The following ARHGEF17 variants were observed in gnomAD, a reference collection of about 807,000 sequenced individuals.
ARHGEF17 encodes Rho guanine nucleotide exchange factor 17, also known as 164 kDa Rho-specific guanine-nucleotide exchange factor.
ARHGEF17 carries 80 observed loss-of-function variants against 174.0 expected under a neutral mutation model. The observed-to-expected ratio is 0.46, with a 90% CI of 0.38 to 0.55. The LOEUF (loss-of-function observed/expected upper bound fraction) is 0.55, where lower values mean the gene tolerates loss of function less well. Ranked by LOEUF, ARHGEF17 falls within the 20% of genes least tolerant of loss-of-function variation. The pLI, the probability that ARHGEF17 is intolerant of heterozygous loss-of-function variation, is 0.00. For missense variants in ARHGEF17, 2,886 were observed against 2,839.7 expected (o/e 1.02, Z -0.37); for synonymous variants, 1,311 against 1,189.1 (o/e 1.10, Z -2.11).
Position 73,367,964 on chromosome 11 carries a change from G to C in ARHGEF17, c.*184G>C. The C allele has an allele frequency of 1.6e-6, 1 of 632,308 alleles. No homozygotes were observed. The highest frequency in any genetic ancestry group is 2.6e-6 in the Non-Finnish European group (1 of 380,538). The allele number at this position is 632,308 out of a possible 1,614,324, so 39.2% of individuals were successfully genotyped here. On this transcript the variant is annotated 3_prime_UTR_variant, in exon 21 of 21. Transcript: ENST00000263674. ...ACACCCACTGGCCAGCCAGGCCATG[G>C]CTTCTCCCGACCCTCTGGCTGCCCC...
intron 3 of ARHGEF17, 173 bp downstream of exon 3, chr11:73,353,185 G>C (rs1591754322): frequency 1.2e-6 from 1 of 820,246 alleles, no homozygotes; most frequent in East Asian, 2.7e-5. Flanking sequence ...GGGTGGACCT[G>C]AACTTGGACA....
Position 73,367,765 on chromosome 11 carries a change from C to T in ARHGEF17, c.6177C>T (p.Leu2059=). The T allele has an allele frequency of 6.2e-7, 1 of 1,612,904 alleles. No individual in the cohort carries two copies. Among genetic ancestry groups the T allele is most frequent in the Non-Finnish European group, 8.5e-7 (1 of 1,179,282 alleles). ...VGRDDSTNHL[L]LWRV ...GAGACGACAGCACAAACCACCTCCT[C>T]CTGTGGAGGGTGTGACCCTGTCTGC... Residue 2059 remains leucine, a synonymous_variant, in exon 21 of 21, where the codon CTC becomes CTT. Transcript: ENST00000263674.
At chr11:73,357,180 T>C in intron 8 of ARHGEF17, 46 bp downstream of exon 8, 1 of 1,612,324 alleles carries the variant, frequency 6.2e-7, no homozygotes, top group Non-Finnish European at 8.5e-7. Flanking sequence ...AGGGGGAGCA[T>C]TTGTCCCTCT....
chr11:73,363,208 GAGGAGACCCCGAGTTCCA>G lies in ARHGEF17; in HGVS notation c.5005_5022del (p.Thr1669_Glu1674del). On this transcript the variant is annotated inframe_deletion, in exon 15 of 21. Coordinates refer to ENST00000263674, the MANE Select transcript of ARHGEF17 (RefSeq NM_014786.4). ...ACAGAGACCTTTGTCTCCCTCAGAT[GAGGAGACCCCGAGTTCCA>G]AGGAGGCCACGGCAGAGACCACCAG... 6.4e-7 allele frequency: 1 copy of G among 1,559,002 alleles called. No homozygotes were observed. The highest frequency in any genetic ancestry group is 8.7e-7 in the Non-Finnish European group (1 of 1,150,702).
intron 1 of ARHGEF17, among the ~76,000 whole-genome samples, chr11:73,328,275 A>G (rs1189684533): frequency 1.3e-5 from 2 of 152,202 alleles, no homozygotes; most frequent in African/African-American, 4.8e-5. Flanking sequence ...GAGTGGGGCT[A>G]TGCAGGAGGG....
intron 1 of ARHGEF17, among the ~76,000 whole-genome samples, chr11:73,335,388 C>G (rs1325381984): frequency 6.6e-6 from 1 of 152,140 alleles, no homozygotes; most frequent in Non-Finnish European, 1.5e-5. Flanking sequence ...AGATGTTTTT[C>G]ACATCTGTTG....
chr11:73,312,039 G>T (rs886961760), intron 1 of ARHGEF17, among the ~76,000 whole-genome samples: 1 of 152,216 alleles, frequency 6.6e-6, no homozygotes, highest in Non-Finnish European at 1.5e-5. Flanking sequence ...TCAGTTTTCT[G>T]CTGGTGCTAA....
At position 73,311,327 on chromosome 11, in the gene ARHGEF17, G is replaced by T; in HGVS notation, c.2689G>T (p.Ala897Ser). The change falls in exon 1 of 21, where the codon GCC becomes TCC. Residue 897 changes from alanine to serine, a missense_variant. This residue lies in a region of ARHGEF17 where 1,728 missense variants were observed against 1,461.2 expected (regional missense o/e 1.18). Transcript: ENST00000263674. ...CCTACCTGAGGCTCTGCCTCCCCCT[G>T]CCACTGCCCACCGAAACTTTCACCT... ...RALPEALPPP[A>S]TAHRNFHLDP... is the part of the protein sequence containing the mutation. 1 of 1,613,348 alleles carries T rather than the reference G, an allele frequency of 6.2e-7. No homozygotes were observed. Among genetic ancestry groups the T allele is most frequent in the Non-Finnish European group, 8.5e-7 (1 of 1,180,024 alleles).
chr11:73,359,795 G>A (rs1008545578), intron 9 of ARHGEF17, 39 bp from the exon 10 acceptor site: 17 of 1,504,558 alleles, frequency 1.1e-5, no homozygotes, highest in Non-Finnish European at 2.7e-6. Flanking sequence ...GACCTTGTCT[G>A]TCTCTGTATC....
At chr11:73,344,743 T>C (rs1461872140) in intron 1 of ARHGEF17, among the ~76,000 whole-genome samples, 2 of 152,168 alleles carry the variant, frequency 1.3e-5, no homozygotes, top group Non-Finnish European at 2.9e-5. Context: ...GAAGAGAATG[T>C]GGAAACAGGG....
At chr11:73,347,676 G>C (rs1865487234) in intron 2 of ARHGEF17, among the ~76,000 whole-genome samples, 1 of 152,252 alleles carries the variant, frequency 6.6e-6, no homozygotes, top group Non-Finnish European at 1.5e-5. Context: ...TAGAACACCA[G>C]TTGGAGGCAG....
In ARHGEF17 at chr11:73,309,217, C is replaced by T. The variant is rs1386716566; in HGVS notation, c.579C>T (p.Thr193=). 1 of 1,599,648 alleles carries T rather than the reference C, an allele frequency of 6.3e-7. No homozygotes were observed. Among genetic ancestry groups the T allele is most frequent in the Non-Finnish European group, 8.5e-7 (1 of 1,173,136 alleles). Residue 193 remains threonine, a synonymous_variant, in exon 1 of 21, where the codon ACC becomes ACT. Transcript: ENST00000263674. ...CGCGGCCCCTGACCGGGCCGGAGAC[C>T]GAAGGGAGGCTGCGCCGGCCGCAGC... ...RSARPLTGPE[T]EGRLRRPQQQ...
Position 73,310,745 on chromosome 11 carries a change from C to G in ARHGEF17, c.2107C>G (p.Pro703Ala). The G allele has an allele frequency of 6.2e-7, 1 of 1,611,654 alleles. No individual in the cohort carries two copies. The highest frequency in any genetic ancestry group is 8.5e-7 in the Non-Finnish European group (1 of 1,178,710). The change falls in exon 1 of 21, where the codon CCA (proline) becomes GCA (alanine). Residue 703 changes from proline (P) to alanine (A), a missense_variant. By Grantham distance (27) the Pro-to-Ala change is conservative. This residue lies in a region of ARHGEF17 where 1,728 missense variants were observed against 1,461.2 expected (regional missense o/e 1.18). Coordinates refer to ENST00000263674, the MANE Select transcript of ARHGEF17 (RefSeq NM_014786.4). Reference protein sequence around the residue: ...ALVSPETPPTPGALRRRRKVP... With the variant: ...ALVSPETPPTAGALRRRRKVP... The stretch of plus-strand genomic sequence containing the variant: ...GGTGTCGCCTGAGACCCCTCCCACA[C>G]CAGGTGCCCTCCGCCGACGACGCAA...
intron 1 of ARHGEF17, among the ~76,000 whole-genome samples, chr11:73,315,000 C>T (rs902542613): frequency 3.3e-5 from 5 of 152,234 alleles, no homozygotes; most frequent in African/African-American, 1.2e-4. Context: ...GTAACAATGA[C>T]GAACATTTAT....
chr11:73,340,810 T>C (rs1865356192), intron 1 of ARHGEF17, among the ~76,000 whole-genome samples: 1 of 152,172 alleles, frequency 6.6e-6, no homozygotes, highest in African/African-American at 2.4e-5. Flanking sequence ...GGCCTGTCCA[T>C]CCTCCCTTTC....
intron 1 of ARHGEF17, among the ~76,000 whole-genome samples, chr11:73,319,363 C>T (rs889648926): frequency 8.5e-5 from 13 of 152,176 alleles, no homozygotes; most frequent in Non-Finnish European, 1.3e-4. Flanking sequence ...CGCCCGGCCT[C>T]CTTCCTCCTT....
chr11:73,312,365 G>A (rs1440776066), intron 1 of ARHGEF17, among the ~76,000 whole-genome samples: 1 of 152,182 alleles, frequency 6.6e-6, no homozygotes, highest in African/African-American at 2.4e-5. Flanking sequence ...GAGGTACAAG[G>A]CTTTACTTTA....
chr11:73,360,596 C>G (rs1261188980), intron 11 of ARHGEF17, 63 bp downstream of exon 11: 18 of 1,571,746 alleles, frequency 1.1e-5, no homozygotes, highest in Non-Finnish European at 1.6e-5. Context: ...CCAGAGGCAT[C>G]TCACAGCTGT....
Position 73,368,398 on chromosome 11 carries a change from A to G in ARHGEF17, c.*618A>G, listed in dbSNP as rs1431606719. Reference sequence around the variant, plus strand: ...ACGCACACTGCATGTCCAAGGCCCTAAACATTGCCCGTTGACATAAACTTT... The same window carrying G: ...ACGCACACTGCATGTCCAAGGCCCTGAACATTGCCCGTTGACATAAACTTT... On this transcript the variant is annotated 3_prime_UTR_variant, in exon 21 of 21. Coordinates refer to ENST00000263674, the MANE Select transcript of ARHGEF17 (RefSeq NM_014786.4). 6.6e-6 allele frequency: 1 copy of G among 152,148 alleles called. No homozygotes were observed. The highest frequency in any genetic ancestry group is 2.4e-5 in the African/African-American group (1 of 41,412). 9.4% of individuals were successfully genotyped at this position (152,148 alleles called of 1,614,324 possible).
Sources: allele counts gnomAD v4.1 joint callset (sites outside exome capture counted in the v4.1 genomes callset), GRCh38; gene constraint gnomAD v4.1.1; regional missense constraint gnomAD v4.1.1; transcripts MANE v1.5; gene names NCBI Gene and HGNC (gene_info 2026-07-23, HGNC 2026-07-21).